SPAST: variants seen among roughly 807,000 people sequenced by gnomAD.
SPAST encodes spastin.
SPAST carries 30 observed loss-of-function variants against 76.6 expected under a neutral mutation model. The ratio of observed to expected loss-of-function variants is 0.39; its 90% CI spans 0.29 to 0.53. The LOEUF (loss-of-function observed/expected upper bound fraction) is 0.53. Ranked by LOEUF, SPAST falls within the 20% of genes least tolerant of loss-of-function variation. SPAST has a pLI of 0.68. For synonymous variants in SPAST, 305 were observed against 281.0 expected, an observed-to-expected ratio of 1.09 and a Z score of -0.86; for missense variants, 717 against 770.5, an observed-to-expected ratio of 0.93 and a Z score of 0.82.
Position 32,070,336 on chromosome 2 carries a change from G to A in SPAST, c.415+6090G>A, listed in dbSNP as rs147880525. Among the ~76,000 whole-genome samples, 24 of 152,142 alleles carry A rather than the reference G, an allele frequency of 1.6e-4. No individual in the cohort carries two copies. The East Asian group carries it at 4.4e-3, about 28-fold the overall frequency. ...GCCTGCCTCAGCCTCCCAAAGTGCT[G>A]GGATTACAGGTATGACCCACTGCAC... On this transcript the variant is annotated intron_variant, in intron 1 of 16. Coordinates refer to ENST00000315285, the MANE Select transcript of SPAST (RefSeq NM_014946.4).
intron 2 of SPAST, among the ~76,000 whole-genome samples, chr2:32,087,836 C>T (rs1677553298): frequency 6.7e-6 from 1 of 148,636 alleles, no homozygotes; most frequent in South Asian, 2.1e-4. Context: ...GCTGGGACCA[C>T]AGGCGCACAC....
At chr2:32,144,589 A>T (rs1458090170) in intron 14 of SPAST, among the ~76,000 whole-genome samples, 1 of 152,178 alleles carries the variant, frequency 6.6e-6, no homozygotes, top group Non-Finnish European at 1.5e-5. Flanking sequence ...AGAGATGAAA[A>T]TAATTTGCTG....
Position 32,154,615 on chromosome 2 carries a change from TA to T in SPAST, c.*120del. 1 of 987,102 alleles carries T rather than the reference TA, an allele frequency of 1.0e-6. No homozygotes were observed. The highest frequency in any genetic ancestry group is 1.6e-6 in the Non-Finnish European group (1 of 639,638). The allele number at this position is 987,102 out of a possible 1,614,324, so 61.1% of individuals were successfully genotyped here. On this transcript the variant is annotated 3_prime_UTR_variant, in exon 17 of 17. Coordinates refer to ENST00000315285, the MANE Select transcript of SPAST (RefSeq NM_014946.4). ...TTACAGGACTTTTTAGAGTCTTACA[TA>T]TTTGTGCACCAAACTTGAAGATGAA...
In SPAST at chr2:32,145,963, T is replaced by C. The variant is rs542508607; in HGVS notation, c.1687+956T>C. Among the ~76,000 whole-genome samples the C allele has an allele frequency of 2.5e-3, 385 of 152,332 alleles. 6 individuals carry two copies. The South Asian group carries it at 0.036, about 14-fold the overall frequency. On this transcript the variant is annotated intron_variant, in intron 15 of 16. Coordinates refer to ENST00000315285, the MANE Select transcript of SPAST (RefSeq NM_014946.4). ...ATCATAGTGTCTACTGTAATTTGCATTAAAAGCCTACATTATACAAACCTT... is the reference window on the plus strand; with the variant it reads ...ATCATAGTGTCTACTGTAATTTGCACTAAAAGCCTACATTATACAAACCTT...
chr2:32,095,049 TG>T (rs1432279791), intron 3 of SPAST, among the ~76,000 whole-genome samples: 2 of 152,228 alleles, frequency 1.3e-5, no homozygotes, highest in Non-Finnish European at 2.9e-5. Context: ...GTTGCTATGT[TG>T]CATTATAGAC....
intron 7 of SPAST, among the ~76,000 whole-genome samples, chr2:32,123,212 A>G (rs1369516931): frequency 2.0e-5 from 3 of 152,080 alleles, no homozygotes; most frequent in African/African-American, 7.2e-5. Flanking sequence ...CAGTGAGCCA[A>G]GATCGCGCCA....
chr2:32,150,255 T>C (rs1680035997), intron 16 of SPAST, among the ~76,000 whole-genome samples: 1 of 141,422 alleles, frequency 7.1e-6, no homozygotes, highest in South Asian at 2.3e-4. Flanking sequence ...TTTTTTTTTT[T>C]TTTTTTTTGT....
At chr2:32,109,737 CTATA>C (rs1006013383) in intron 4 of SPAST, among the ~76,000 whole-genome samples, 9 of 148,458 alleles carry the variant, frequency 6.1e-5, no homozygotes, top group South Asian at 2.1e-4. Flanking sequence ...GTATATATAA[CTATA>C]TATGTATAAG....
intron 14 of SPAST, 119 bp from the exon 15 acceptor site, chr2:32,144,815 TGGA>T (rs1052924497): frequency 4.4e-6 from 3 of 687,484 alleles, no homozygotes; most frequent in Non-Finnish European, 8.0e-6. Context: ...CTCCAGGAGG[TGGA>T]GATCACAGTG....
At chr2:32,077,432 C>T (rs1677010282) in intron 1 of SPAST, among the ~76,000 whole-genome samples, 1 of 152,090 alleles carries the variant, frequency 6.6e-6, no homozygotes, top group African/African-American at 2.4e-5. Context: ...AATAAAGATA[C>T]TAAAAGTAGT....
chr2:32,079,533 C>G (rs1558617212), intron 1 of SPAST, among the ~76,000 whole-genome samples: 1 of 151,162 alleles, frequency 6.6e-6, no homozygotes, highest in Non-Finnish European at 1.5e-5. Flanking sequence ...TCGTTTTTTT[C>G]CAACTCATGT....
rs552335174 is a variant in SPAST, at chr2:32,065,209, G to A, written c.415+963G>A. On this transcript the variant is annotated intron_variant, in intron 1 of 16. Coordinates refer to ENST00000315285, the MANE Select transcript of SPAST (RefSeq NM_014946.4). Reference sequence around the variant, plus strand: ...TAATTTTTGTATTTTTAGTAGAGTAGGGATTTCACCATGTTGGCCAGGATG... The same window carrying A: ...TAATTTTTGTATTTTTAGTAGAGTAAGGATTTCACCATGTTGGCCAGGATG... Among the ~76,000 whole-genome samples the A allele has an allele frequency of 2.0e-4, 30 of 152,082 alleles. No individual in the cohort carries two copies. The South Asian group carries it at 6.0e-3, about 31-fold the overall frequency.
At chr2:32,128,231 G>A (rs774983154) in intron 8 of SPAST, 177 bp from the exon 9 acceptor site, 2 of 560,586 alleles carry the variant, frequency 3.6e-6, no homozygotes, top group Admixed American at 2.9e-5. Flanking sequence ...TTGGCCTCAA[G>A]TGATGCGCCT....
intron 15 of SPAST, 81 bp downstream of exon 15, chr2:32,145,088 A>C: frequency 2.9e-6 from 3 of 1,042,436 alleles, no homozygotes; most frequent in South Asian, 1.4e-5. Flanking sequence ...AAAATCTACC[A>C]AGAGATTTTT....
chr2:32,141,636 C>T (rs1405652407), intron 12 of SPAST, among the ~76,000 whole-genome samples: 1 of 152,158 alleles, frequency 6.6e-6, no homozygotes, highest in African/African-American at 2.4e-5. Context: ...GACAGATCTA[C>T]TTATATCAGA....
Position 32,134,734 on chromosome 2 carries a change from G to A in SPAST, c.1246-1829G>A, listed in dbSNP as rs551623223. The stretch of plus-strand genomic sequence containing the variant: ...TTTTGGGACAAGGTCTCACTTTTTC[G>A]CCCCAGGCCGAAGTGCAGTTGTGCG... On this transcript the variant is annotated intron_variant, in intron 9 of 16. Transcript: ENST00000315285. Among the ~76,000 whole-genome samples the A allele has an allele frequency of 4.6e-5, 7 of 151,882 alleles. No individual in the cohort carries two copies. The East Asian group carries it at 5.8e-4, about 13-fold the overall frequency.
chr2:32,137,231 A>G lies in SPAST; in HGVS notation c.1493+43A>G, dbSNP rs202053689. 1.0e-4 allele frequency: 137 copies of G among 1,323,392 alleles called. No homozygotes were observed. In the African/African-American group the frequency reaches 1.6e-3, roughly 15 times the overall value. 82.0% of individuals were successfully genotyped at this position (1,323,392 alleles called of 1,614,324 possible). On this transcript the variant is annotated intron_variant, in intron 12 of 16. Coordinates refer to ENST00000315285, the MANE Select transcript of SPAST (RefSeq NM_014946.4). ...GAAATACATGCATTTATTACAGACA[A>G]TATTTACTCATGTGTCCATCTTACA...
chr2:32,109,692 T>C (rs866307135), intron 4 of SPAST, among the ~76,000 whole-genome samples: 12 of 149,506 alleles, frequency 8.0e-5, no homozygotes, highest in Admixed American at 2.7e-4. Context: ...AATATATATA[T>C]TGTTTAGTTT....
chr2:32,140,727 G>A (rs1009622408), intron 12 of SPAST, among the ~76,000 whole-genome samples: 1 of 148,740 alleles, frequency 6.7e-6, no homozygotes, highest in African/African-American at 2.4e-5. Context: ...GACCAGCCTC[G>A]CCAACGTGGC....
Sources: allele counts gnomAD v4.1 joint callset (sites outside exome capture counted in the v4.1 genomes callset), GRCh38; gene constraint gnomAD v4.1.1; transcripts MANE v1.5; gene names NCBI Gene and HGNC (gene_info 2026-07-23, HGNC 2026-07-21).